The following ADAM17 variants were observed in gnomAD, a reference collection of about 807,000 sequenced individuals.
ADAM17 encodes disintegrin and metalloproteinase domain-containing protein 17.
In ADAM17, 39 loss-of-function variants were observed where a neutral mutation model predicts 96.7. The ratio of observed to expected loss-of-function variants is 0.40; its 90% CI spans 0.31 to 0.53. ADAM17 has a LOEUF of 0.53. Among genes scored for constraint, ADAM17 ranks in the 20% least tolerant of loss-of-function variants. The probability of loss-of-function intolerance (pLI) is 0.44; values close to 1 mark genes in which losing one functional copy is unlikely to be tolerated. For missense variants in ADAM17, 777 were observed against 1,013.2 expected (o/e 0.77, Z 3.17); for synonymous variants, 344 against 359.2 (o/e 0.96, Z 0.48).
chr2:9,499,409 G>T (rs1051473108), intron 13 of ADAM17, among the ~76,000 whole-genome samples: 1 of 151,448 alleles, frequency 6.6e-6, no homozygotes, highest in Non-Finnish European at 1.5e-5. Context: ...TTGTTTTTTT[G>T]GTTTTTTTTT....
At chr2:9,511,979 T>TA (rs1320703897) in intron 10 of ADAM17, among the ~76,000 whole-genome samples, 6 of 147,264 alleles carry the variant, frequency 4.1e-5, no homozygotes, top group African/African-American at 7.5e-5. Flanking sequence ...TTAAAATAAA[T>TA]AAATAAAATA....
intron 17 of ADAM17, 54 bp from the exon 18 acceptor site, chr2:9,491,205 G>C (rs907060873): frequency 1.6e-5 from 24 of 1,525,138 alleles, no homozygotes; most frequent in Non-Finnish European, 2.2e-5. Context: ...CAGTTAGTGA[G>C]TACTATTTCA....
rs140298748 is a variant in ADAM17 at position 9,492,202 on chromosome 2, G to A, written c.2082+696C>T. ...ACTATGAAAGAGTTTGGGAAAACAAGTCTGGAAGCCTGGGTGTGACTTTCT... is the reference window on the plus strand; with the variant it reads ...ACTATGAAAGAGTTTGGGAAAACAAATCTGGAAGCCTGGGTGTGACTTTCT... On this transcript the variant is annotated intron_variant, in intron 17 of 18. Transcript: ENST00000310823. 3.1e-3 allele frequency among the ~76,000 whole-genome samples: 477 copies of A among 152,312 alleles called. 2 individuals are homozygous for A. The highest frequency in any genetic ancestry group is 4.8e-3 in the Admixed American group (74 of 15,300).
chr2:9,555,656 G>A lies in ADAM17; in HGVS notation c.-51C>T, dbSNP rs1160267606. The A allele has an allele frequency of 6.9e-7, 1 of 1,459,384 alleles. No individual in the cohort carries two copies. 90.4% of individuals were successfully genotyped at this position (1,459,384 alleles called of 1,614,324 possible). On this transcript the variant is annotated 5_prime_UTR_variant, in exon 1 of 19. Transcript: ENST00000310823. ...CCTCTCTGGGCAGCCTTCGCCTGAC[G>A]GGGTTTCGGAAAACTGCTCACATCG...
rs554464359 is a variant in ADAM17, at chr2:9,549,126, A to G, written c.98-5841T>C. Among the ~76,000 whole-genome samples the G allele has an allele frequency of 1.3e-3, 199 of 152,312 alleles. 1 individual carries two copies. Among genetic ancestry groups the G allele is most frequent in the Middle Eastern group, 6.8e-3 (2 of 294 alleles). On this transcript the variant is annotated intron_variant, in intron 1 of 18. Coordinates refer to ENST00000310823, the MANE Select transcript of ADAM17 (RefSeq NM_003183.6). ...AGTGGCTCACACCTGTAATCCCAGC[A>G]CTTTGGGAGGCCGAGGTGGGTGGAT...
At position 9,508,270 on chromosome 2, in the gene ADAM17, A is replaced by G. The variant is rs1663532026; in HGVS notation, c.1344+1709T>C. 2.0e-5 allele frequency among the ~76,000 whole-genome samples: 3 copies of G among 152,204 alleles called. No individual in the cohort carries two copies. In the South Asian group the frequency reaches 6.2e-4, roughly 32 times the overall value. ...GTTTCTATTACAGAAATATTCAAGC[A>G]TCTATGAAGTAGACAGGATGGTATC... is the stretch of plus-strand genomic sequence containing the variant. On this transcript the variant is annotated intron_variant, in intron 11 of 18. Coordinates refer to ENST00000310823, the MANE Select transcript of ADAM17 (RefSeq NM_003183.6).
intron 8 of ADAM17, among the ~76,000 whole-genome samples, chr2:9,520,548 G>C (rs1664262364): frequency 1.3e-5 from 2 of 152,166 alleles, no homozygotes; most frequent in Admixed American, 6.5e-5. Flanking sequence ...AGAGAGAGCT[G>C]AACTAAGTGT....
At chr2:9,544,456 C>G (rs1212055767) in intron 1 of ADAM17, among the ~76,000 whole-genome samples, 2 of 152,148 alleles carry the variant, frequency 1.3e-5, no homozygotes, top group East Asian at 3.9e-4. Flanking sequence ...ACCCAGGAGG[C>G]AGATGTTGCA....
At chr2:9,491,032 G>A (rs1050032598) in intron 18 of ADAM17, 69 bp downstream of exon 18, 23 of 1,414,688 alleles carry the variant, frequency 1.6e-5, no homozygotes, top group Non-Finnish European at 2.2e-5. Context: ...GCTGGGTCAG[G>A]TGAAGGTCTT....
chr2:9,543,807 T>C (rs974094796), intron 1 of ADAM17, among the ~76,000 whole-genome samples: 24 of 152,158 alleles, frequency 1.6e-4, no homozygotes, highest in African/African-American at 5.5e-4. Context: ...AAGTGGTTAG[T>C]GTTACAAAAA....
intron 8 of ADAM17, among the ~76,000 whole-genome samples, chr2:9,520,195 C>T (rs2125019896): frequency 6.6e-6 from 1 of 152,352 alleles, no homozygotes; most frequent in African/African-American, 2.4e-5. Flanking sequence ...TTCTAAGCTG[C>T]TCCACTTGTG....
At chr2:9,526,058 T>G in intron 6 of ADAM17, 53 bp downstream of exon 6, 1 of 1,511,042 alleles carries the variant, frequency 6.6e-7, no homozygotes, top group Admixed American at 2.0e-5. Flanking sequence ...TTTCATGGAA[T>G]GTACCCACCC....
chr2:9,555,464 G>A (rs766011953), intron 1 of ADAM17, 45 bp downstream of exon 1: 20 of 1,490,756 alleles, frequency 1.3e-5, no homozygotes, highest in South Asian at 5.0e-5. Flanking sequence ...TCCCTCAAAC[G>A]AGCGCTCCAG....
At chr2:9,507,695 C>T (rs1271780782) in intron 11 of ADAM17, among the ~76,000 whole-genome samples, 1 of 151,844 alleles carries the variant, frequency 6.6e-6, no homozygotes, top group Admixed American at 6.6e-5. Context: ...TTCCCAGGCC[C>T]CATTCTCATT....
chr2:9,503,220 AG>A (rs953667866), intron 12 of ADAM17, among the ~76,000 whole-genome samples: 1 of 151,924 alleles, frequency 6.6e-6, no homozygotes, highest in African/African-American at 2.4e-5. Context: ...CTCGGCAGCC[AG>A]AACTCTACTC....
chr2:9,543,083 C>T, intron 2 of ADAM17, 70 bp downstream of exon 2: 1 of 1,436,686 alleles, frequency 7.0e-7, no homozygotes. Context: ...AGTAGATACC[C>T]TTACTTTTTT....
At position 9,489,372 on chromosome 2, in the gene ADAM17, C is replaced by CT. The variant is rs1457912695; in HGVS notation, c.*804_*805insA. 1.3e-5 allele frequency: 2 copies of CT among 150,120 alleles called. No homozygotes were observed. Among genetic ancestry groups the CT allele is most frequent in the African/African-American group, 5.0e-5 (2 of 40,338 alleles). The allele number at this position is 150,120 out of a possible 1,614,324, so 9.3% of individuals were successfully genotyped here. On this transcript the variant is annotated 3_prime_UTR_variant, in exon 19 of 19. Transcript: ENST00000310823. ...TGCTGGGATTACAGGCATGAGCCACCACTCCCAGCCAATAGTGAATTTTCT... is the reference window on the plus strand; with the variant it reads ...TGCTGGGATTACAGGCATGAGCCACCTACTCCCAGCCAATAGTGAATTTTCT...
At chr2:9,508,890 T>A (rs1408580677) in intron 11 of ADAM17, among the ~76,000 whole-genome samples, 2 of 151,886 alleles carry the variant, frequency 1.3e-5, no homozygotes, top group Non-Finnish European at 2.9e-5. Context: ...GCACAAGTTG[T>A]CAAGCAGAGG....
intron 1 of ADAM17, among the ~76,000 whole-genome samples, chr2:9,547,660 G>A (rs1312904460): frequency 1.3e-5 from 2 of 152,180 alleles, no homozygotes; most frequent in African/African-American, 2.4e-5. Context: ...TATGAAGTGT[G>A]AGGCTGGAGA....
Sources: gnomAD v4.1 joint callset for allele counts (sites outside exome capture counted in the v4.1 genomes callset) on GRCh38, gnomAD v4.1.1 for gene constraint, MANE v1.5 for transcripts, NCBI Gene and HGNC (gene_info 2026-07-23, HGNC 2026-07-21) for gene names.